Variants in ENOSF1 observed in about 807,000 individuals in gnomAD.
ENOSF1 encodes the protein enolase superfamily member 1.
A neutral mutation model predicts 68.2 loss-of-function variants in ENOSF1; 73 were observed. That is an observed-to-expected ratio of 1.07 (90% CI 0.89 to 1.30). The LOEUF (loss-of-function observed/expected upper bound fraction) is 1.30. Among genes scored for constraint, ENOSF1 ranks in the 50% most tolerant of loss-of-function variants. The probability of loss-of-function intolerance (pLI) is 0.00; values close to 1 mark genes in which losing one functional copy is unlikely to be tolerated. For synonymous variants in ENOSF1, 223 were observed against 210.4 expected (o/e 1.06, Z -0.52); for missense variants, 589 against 554.5 (o/e 1.06, Z -0.62).
At chr18:664,652 G>C in the ENOSF1 span, among the ~76,000 whole-genome samples, 73,607 of 139,320 alleles carry the variant, frequency 0.53, 20,808 homozygotes, top group African/African-American at 0.76. Context: ...TTGGCTGTGG[G>C]TTTGTCATAG....
At chr18:686,334 T>A in intron 9 of ENOSF1, 2 of 300,222 alleles carry the variant, frequency 6.7e-6, no homozygotes, top group Non-Finnish European at 1.3e-5. Flanking sequence ...CAGTGAGAAC[T>A]GAAGAGGAGA....
rs2075019580 is a variant in ENOSF1, at chr18:671,036, G to T, written c.*3269C>A. 1 of 791,904 alleles carries T rather than the reference G, an allele frequency of 1.3e-6. No individual in the cohort carries two copies. The highest frequency in any genetic ancestry group is 2.9e-5 in the Admixed American group (1 of 34,656). 49.1% of individuals were successfully genotyped at this position (791,904 alleles called of 1,614,324 possible). ...CTTTGAAACCTTCCTCTTCTGGAAG[G>T]TTTTCTGGCCCTGTGGTATACGCAC... On this transcript the variant is annotated 3_prime_UTR_variant, in exon 16 of 16. Coordinates refer to ENST00000647584, the MANE Select transcript of ENOSF1 (RefSeq NM_017512.7).
intron 2 of ENOSF1, among the ~76,000 whole-genome samples, chr18:704,104 A>C (rs1467829922): frequency 6.6e-6 from 1 of 152,084 alleles, no homozygotes; most frequent in Non-Finnish European, 1.5e-5. Flanking sequence ...TTTTCTTTAT[A>C]AATTATCCAG....
downstream of ENOSF1, among the ~76,000 whole-genome samples, chr18:667,992 ATT>A (rs60409589): frequency 7.2e-4 from 76 of 105,324 alleles, no homozygotes; most frequent in East Asian, 2.7e-3. Context: ...ATTCACAGGA[ATT>A]TTTTTTTTTT....
Position 694,234 on chromosome 18 carries a change from G to C in ENOSF1, c.396+14C>G, listed in dbSNP as rs376879431. 47 of 1,613,396 alleles carry C rather than the reference G, an allele frequency of 2.9e-5. No homozygotes were observed. Among genetic ancestry groups the C allele is most frequent in the Non-Finnish European group, 3.7e-5 (44 of 1,179,670 alleles). ...GCTCCCAGGAGCCTCCTGAGCGTTTGTGAGAGGGGTTACCTTTCCCTCCTG... is the reference window on the plus strand; with the variant it reads ...GCTCCCAGGAGCCTCCTGAGCGTTTCTGAGAGGGGTTACCTTTCCCTCCTG... On this transcript the variant is annotated intron_variant, in intron 4 of 15. Coordinates refer to ENST00000647584, the MANE Select transcript of ENOSF1 (RefSeq NM_017512.7).
intron 1 of ENOSF1, 93 bp downstream of exon 1, chr18:712,411 T>G (rs1050086760): frequency 1.1e-6 from 1 of 925,900 alleles, no homozygotes; most frequent in Non-Finnish European, 1.6e-6. Flanking sequence ...CGTCCGCGCT[T>G]ACCATGGCGT....
In ENOSF1 at chr18:711,845, G is replaced by C. The variant is rs141597733; in HGVS notation, c.84+659C>G. Among the ~76,000 whole-genome samples the C allele has an allele frequency of 1.8e-4, 28 of 152,274 alleles. 1 individual carries two copies. In the East Asian group the frequency reaches 4.8e-3, roughly 26 times the overall value. ...CATGTGACGCAGTTAGCACGCGCTT[G>C]GTTTCTCAACCCGACTGTGACACCT... On this transcript the variant is annotated intron_variant, in intron 1 of 15. Transcript: ENST00000647584.
downstream of ENOSF1, among the ~76,000 whole-genome samples, chr18:667,950 T>TTA: frequency 6.7e-6 from 1 of 148,690 alleles, no homozygotes; most frequent in African/African-American, 2.5e-5. Context: ...TAGGAAAGTT[T>TTA]GTCCCTTTTT....
chr18:671,035 G>T lies in ENOSF1; in HGVS notation c.*3270C>A, dbSNP rs1226605719. ...ACTTTGAAACCTTCCTCTTCTGGAA[G>T]GTTTTCTGGCCCTGTGGTATACGCA... On this transcript the variant is annotated 3_prime_UTR_variant, in exon 16 of 16. Coordinates refer to ENST00000647584, the MANE Select transcript of ENOSF1 (RefSeq NM_017512.7). The T allele has an allele frequency of 1.2e-6, 1 of 800,100 alleles. No homozygotes were observed. Among genetic ancestry groups the T allele is most frequent in the Non-Finnish European group, 1.9e-6 (1 of 518,534 alleles). The allele number at this position is 800,100 out of a possible 1,614,324, so 49.6% of individuals were successfully genotyped here.
chr18:698,959 T>C (rs1369773574), intron 2 of ENOSF1, among the ~76,000 whole-genome samples: 2 of 151,976 alleles, frequency 1.3e-5, no homozygotes, highest in African/African-American at 4.8e-5. Context: ...TCAAGCAATC[T>C]TTTTGTCTCA....
chr18:685,875 C>A (rs2076568866), intron 10 of ENOSF1, 46 bp downstream of exon 10: 1 of 1,393,596 alleles, frequency 7.2e-7, no homozygotes, highest in Non-Finnish European at 1.0e-6. Flanking sequence ...TGTATTTAGC[C>A]CTGGACAAAG....
At chr18:679,301 C>G (rs756655848) in intron 11 of ENOSF1, among the ~76,000 whole-genome samples, 2 of 151,718 alleles carry the variant, frequency 1.3e-5, no homozygotes, top group Admixed American at 6.6e-5. Flanking sequence ...CCTCCACCCC[C>G]CAGGCTGAAG....
Position 690,650 on chromosome 18 carries a change from G to A in ENOSF1, c.536-19C>T, listed in dbSNP as rs377465226. On this transcript the variant is annotated intron_variant, in intron 7 of 15. Transcript: ENST00000647584. Reference sequence around the variant, plus strand: ...TGCTTCTCTGTGAAAACACAGCGCCGTCAACATTTTGCACTTTCCAGGGCC... The same window carrying A: ...TGCTTCTCTGTGAAAACACAGCGCCATCAACATTTTGCACTTTCCAGGGCC... 721 of 1,612,874 alleles carry A rather than the reference G, an allele frequency of 4.5e-4. No homozygotes were observed. The highest frequency in any genetic ancestry group is 9.9e-4 in the Middle Eastern group (6 of 6,066).
At chr18:699,520 G>A (rs1274524032) in intron 2 of ENOSF1, among the ~76,000 whole-genome samples, 1 of 151,270 alleles carries the variant, frequency 6.6e-6, no homozygotes, top group African/African-American at 2.4e-5. Flanking sequence ...AGGCTTTCTT[G>A]GGTTATTTAA....
chr18:704,823 C>G (rs1226305825), intron 2 of ENOSF1, among the ~76,000 whole-genome samples: 1 of 152,104 alleles, frequency 6.6e-6, no homozygotes, highest in Non-Finnish European at 1.5e-5. Flanking sequence ...CCAGGCTGGT[C>G]TTGAACTGCT....
intron 2 of ENOSF1, among the ~76,000 whole-genome samples, chr18:702,264 C>CAAAAAAAAAACAAAAAAAA (rs2078440389): frequency 1.5e-5 from 1 of 65,776 alleles, no homozygotes; most frequent in African/African-American, 6.4e-5. Flanking sequence ...AACTACATCT[C>CAAAAAAAAAACAAAAAAAA]AAAAAAAAAA....
chr18:694,648 A>C (rs1044219950), intron 3 of ENOSF1, among the ~76,000 whole-genome samples: 2 of 151,778 alleles, frequency 1.3e-5, no homozygotes, highest in Non-Finnish European at 2.9e-5. Context: ...AAAAAGAGAG[A>C]GAGAGAAAGA....
chr18:668,725 T>TAAG (rs2074911138), downstream of ENOSF1, among the ~76,000 whole-genome samples: 1 of 152,220 alleles, frequency 6.6e-6, no homozygotes, highest in Admixed American at 6.5e-5. Context: ...GTTTAGAGCC[T>TAAG]AAGTTTGCGA....
At chr18:676,984 A>G (rs1568013964) in intron 14 of ENOSF1, among the ~76,000 whole-genome samples, 1 of 152,278 alleles carries the variant, frequency 6.6e-6, no homozygotes, top group Non-Finnish European at 1.5e-5. Flanking sequence ...GAGAAATAAG[A>G]TGAAATAAAT....
Sources: allele counts gnomAD v4.1 joint callset (sites outside exome capture counted in the v4.1 genomes callset), GRCh38; gene constraint gnomAD v4.1.1; transcripts MANE v1.5; gene names NCBI Gene and HGNC (gene_info 2026-07-23, HGNC 2026-07-21).